The following RASAL2 variants were observed in gnomAD, a reference collection of about 807,000 sequenced individuals.
The protein encoded by RASAL2 is RAS protein activator like 2, also known as ras GTPase-activating protein nGAP.
Under a neutral mutation model 128.9 loss-of-function variants are expected in RASAL2, and 58 were observed. That is an observed-to-expected ratio of 0.45 (90% CI 0.36 to 0.56). The LOEUF is 0.56. RASAL2 is among the 20% of genes least tolerant of loss of function. The pLI is 0.00. For missense variants in RASAL2, 1,360 were observed against 1,601.6 expected, an observed-to-expected ratio of 0.85 and a Z score of 2.57; for synonymous variants, 561 against 580.8, an observed-to-expected ratio of 0.97 and a Z score of 0.49.
intron 4 of RASAL2, among the ~76,000 whole-genome samples, chr1:178,404,563 TAG>T (rs1237744463): frequency 6.6e-6 from 1 of 151,962 alleles, no homozygotes; most frequent in East Asian, 1.9e-4. Flanking sequence ...GTATTTTTAG[TAG>T]AGACAGGGTT....
chr1:178,265,929 A>T (rs1234017611), intron 1 of RASAL2, among the ~76,000 whole-genome samples: 1 of 152,168 alleles, frequency 6.6e-6, no homozygotes, highest in Non-Finnish European at 1.5e-5. Context: ...ATTGTTTTCT[A>T]TAGTTATAGT....
chr1:178,450,829 G>A (rs1218825210), intron 9 of RASAL2, among the ~76,000 whole-genome samples: 1 of 152,138 alleles, frequency 6.6e-6, no homozygotes, highest in East Asian at 1.9e-4. Context: ...CCTAACCTCT[G>A]AAGGTATTCA....
intron 1 of RASAL2, among the ~76,000 whole-genome samples, chr1:178,177,860 A>T (rs571982882): frequency 1.2e-4 from 18 of 152,194 alleles, no homozygotes; most frequent in Non-Finnish European, 2.2e-4. Context: ...CGTTCTGTAA[A>T]TAGTTTTTGT....
At chr1:178,279,534 C>T (rs1379199685) in intron 1 of RASAL2, among the ~76,000 whole-genome samples, 1 of 152,074 alleles carries the variant, frequency 6.6e-6, no homozygotes, top group African/African-American at 2.4e-5. Context: ...ACCTCATTGA[C>T]TTTCTGTTTT....
At chr1:178,446,228 A>T (rs914738389) in intron 9 of RASAL2, among the ~76,000 whole-genome samples, 2 of 152,216 alleles carry the variant, frequency 1.3e-5, no homozygotes, top group Admixed American at 6.5e-5. Flanking sequence ...AGAGTAAGGT[A>T]CTGTGCTGGT....
At position 178,197,239 on chromosome 1, in the gene RASAL2, C is replaced by T. The variant is rs188621511; in HGVS notation, c.203-86325C>T. On this transcript the variant is annotated intron_variant, in intron 1 of 17. Transcript: ENST00000367649. ...TTGGGGGGCCGAGGCAGGCAGATCA[C>T]GATGTCAGGAGTTTGAGACCAGCCT... Among the ~76,000 whole-genome samples the T allele has an allele frequency of 5.6e-3, 847 of 152,112 alleles. 11 individuals carry two copies. The highest frequency in any genetic ancestry group is 0.019 in the African/African-American group (791 of 41,502).
chr1:178,236,725 C>T (rs1664260026), intron 1 of RASAL2, among the ~76,000 whole-genome samples: 2 of 145,424 alleles, frequency 1.4e-5, no homozygotes, highest in Admixed American at 1.4e-4. Context: ...ATGAGCAAAA[C>T]TTAATCTGTG....
At chr1:178,096,017 G>T (rs1014256099) in intron 1 of RASAL2, among the ~76,000 whole-genome samples, 1 of 152,116 alleles carries the variant, frequency 6.6e-6, no homozygotes, top group African/African-American at 2.4e-5. Flanking sequence ...TCTACGTACC[G>T]GAAGATTTAA....
Position 178,473,067 on chromosome 1 carries a change from T to C in RASAL2, c.3679-8T>C, listed in dbSNP as rs773979606. The C allele has an allele frequency of 6.2e-6, 10 of 1,613,896 alleles. No individual in the cohort carries two copies. The East Asian group carries it at 2.0e-4, about 32-fold the overall frequency. The stretch of plus-strand genomic sequence containing the variant: ...AGCCTGAATAAAGCCATGATTGGTG[T>C]GTTGTAGGAAAAACGGATCGTGTCC... On this transcript the variant is annotated splice_region_variant and splice_polypyrimidine_tract_variant and intron_variant, in intron 17 of 17. Transcript: ENST00000367649.
At chr1:178,360,333 A>G (rs1454426519) in intron 3 of RASAL2, among the ~76,000 whole-genome samples, 1 of 152,172 alleles carries the variant, frequency 6.6e-6, no homozygotes, top group East Asian at 1.9e-4. Flanking sequence ...ACATGAAATT[A>G]CAAGCCCCTG....
chr1:178,285,660 A>C (rs1408693323), intron 2 of RASAL2, among the ~76,000 whole-genome samples: 2 of 152,228 alleles, frequency 1.3e-5, no homozygotes, highest in Non-Finnish European at 2.9e-5. Flanking sequence ...AAAATTGGTA[A>C]AGTGAATATT....
At chr1:178,289,576 A>G (rs1667184344) in intron 2 of RASAL2, among the ~76,000 whole-genome samples, 1 of 151,996 alleles carries the variant, frequency 6.6e-6, no homozygotes, top group African/African-American at 2.4e-5. Context: ...CAGCCTCCCA[A>G]AGTGCTGGGA....
chr1:178,452,600 C>T lies in RASAL2; in HGVS notation c.1957C>T (p.Arg653Trp), dbSNP rs1263452382. The T allele has an allele frequency of 3.1e-6, 5 of 1,614,046 alleles. No homozygotes were observed. Among genetic ancestry groups the T allele is most frequent in the Non-Finnish European group, 3.4e-6 (4 of 1,179,952 alleles). Residue 653 changes from arginine to tryptophan, a missense_variant, in exon 11 of 18, where the codon CGG (arginine) becomes TGG (tryptophan). By Grantham distance (101) the Arg-to-Trp change is moderately radical. Transcript: ENST00000367649. ...GGAGTATCCTGATGACCGCACATCT[C>T]GGACTCTAACTCTTATTGCCAAGGT... ...MQEYPDDRTSRTLTLIAKVIQ... is the reference protein window; with the variant it reads ...MQEYPDDRTSWTLTLIAKVIQ...
chr1:178,420,679 C>T (rs1675089775), intron 5 of RASAL2, 59 bp downstream of exon 5: 2 of 1,271,502 alleles, frequency 1.6e-6, no homozygotes, highest in Middle Eastern at 1.9e-4. Context: ...TTTGTTAAGG[C>T]ATTTTGGTCT....
At chr1:178,401,723 G>A (rs1673642698) in intron 4 of RASAL2, among the ~76,000 whole-genome samples, 2 of 152,302 alleles carry the variant, frequency 1.3e-5, no homozygotes, top group Middle Eastern at 3.4e-3. Flanking sequence ...CAACAGAAGT[G>A]AAGGTGAAAA....
intron 3 of RASAL2, among the ~76,000 whole-genome samples, chr1:178,327,380 C>G (rs1669086929): frequency 1.3e-5 from 2 of 151,974 alleles, no homozygotes; most frequent in Non-Finnish European, 2.9e-5. Context: ...GGGTCTTACT[C>G]TGTCACCCAG....
intron 1 of RASAL2, among the ~76,000 whole-genome samples, chr1:178,236,905 G>A (rs527998141): frequency 4.6e-5 from 7 of 151,670 alleles, no homozygotes; most frequent in South Asian, 2.1e-4. Flanking sequence ...CTGGGATTAC[G>A]GGTGCACAGC....
chr1:178,399,250 GGGATTAGACAGCACAACCCAT>G (rs1031575664), intron 4 of RASAL2, among the ~76,000 whole-genome samples: 2 of 152,168 alleles, frequency 1.3e-5, no homozygotes, highest in African/African-American at 2.4e-5. Flanking sequence ...GAGAAAGATA[GGGATTAGACAGCACAACCCAT>G]GGTGTCTTGG....
chr1:178,229,393 C>A (rs1261610149), intron 1 of RASAL2, among the ~76,000 whole-genome samples: 1 of 152,046 alleles, frequency 6.6e-6, no homozygotes, highest in African/African-American at 2.4e-5. Flanking sequence ...TGTCATTAGT[C>A]TCTTTGAAAC....
Sources: gnomAD v4.1 joint callset for allele counts (sites outside exome capture counted in the v4.1 genomes callset) on GRCh38, gnomAD v4.1.1 for gene constraint, MANE v1.5 for transcripts, NCBI Gene and HGNC (gene_info 2026-07-23, HGNC 2026-07-21) for gene names.